MECOM: variants seen among roughly 807,000 people sequenced by gnomAD.
MECOM encodes the protein histone-lysine N-methyltransferase MECOM.
In MECOM, 13 loss-of-function variants were observed where a neutral mutation model predicts 116.3. The observed-to-expected ratio is 0.11, with a 90% confidence interval of 0.07 to 0.18. The LOEUF is 0.18. Among genes scored for constraint, MECOM ranks in the 10% least tolerant of loss-of-function variants. The probability of loss-of-function intolerance (pLI) is 1.00; values close to 1 mark genes in which losing one functional copy is unlikely to be tolerated. For synonymous variants in MECOM, 528 were observed against 535.2 expected (o/e 0.99, Z 0.19); for missense variants, 1,299 against 1,509.0 (o/e 0.86, Z 2.31).
intron 13 of MECOM, among the ~76,000 whole-genome samples, chr3:169,094,032 CAGTT>C (rs567381155): frequency 8.7e-4 from 132 of 152,228 alleles, no homozygotes; most frequent in Non-Finnish European, 1.2e-3. Flanking sequence ...AGGGTACACA[CAGTT>C]AGAGTGGCCA....
intron 1 of MECOM, among the ~76,000 whole-genome samples, chr3:169,537,185 C>T (rs980585562): frequency 6.6e-6 from 1 of 152,160 alleles, no homozygotes; most frequent in Non-Finnish European, 1.5e-5. Context: ...AGAATTATTT[C>T]CCCATGGGAC....
chr3:169,378,459 A>AGAGAG (rs1731588431), intron 2 of MECOM, among the ~76,000 whole-genome samples: 1 of 60,298 alleles, frequency 1.7e-5, no homozygotes, highest in Non-Finnish European at 3.0e-5. Flanking sequence ...GAAGGAAAGC[A>AGAGAG]AGCAAGCAAG....
chr3:169,274,655 T>C (rs1759371470), intron 2 of MECOM, among the ~76,000 whole-genome samples: 1 of 152,224 alleles, frequency 6.6e-6, no homozygotes, highest in Non-Finnish European at 1.5e-5. Context: ...TAAAATGATC[T>C]ATAAATGCAC....
chr3:169,428,589 T>C (rs1489648092), intron 1 of MECOM, among the ~76,000 whole-genome samples: 1 of 152,218 alleles, frequency 6.6e-6, no homozygotes, highest in African/African-American at 2.4e-5. Context: ...GTCTATGGTA[T>C]TTTGTTATGA....
chr3:169,211,366 A>C (rs1269381311), intron 2 of MECOM, among the ~76,000 whole-genome samples: 2 of 152,140 alleles, frequency 1.3e-5, no homozygotes, highest in Non-Finnish European at 2.9e-5. Context: ...ACCCTGCTAC[A>C]TATTCACCAT....
intron 1 of MECOM, among the ~76,000 whole-genome samples, chr3:169,458,120 T>C (rs1043530034): frequency 3.9e-5 from 6 of 152,230 alleles, no homozygotes; most frequent in African/African-American, 9.6e-5. Flanking sequence ...TAAATTGCCA[T>C]GTGCTAATGA....
In MECOM at chr3:169,305,463, G is replaced by C. The variant is rs552793255; in HGVS notation, c.375+75724C>G. Among the ~76,000 whole-genome samples the C allele has an allele frequency of 1.6e-4, 25 of 152,306 alleles. No homozygotes were observed. The South Asian group carries it at 2.3e-3, about 14-fold the overall frequency. ...GAAGCCCAAAGCACTTTAGAAATCAGACCAGATATCTAAGTTCCAAAGTAG... is the reference window on the plus strand; with the variant it reads ...GAAGCCCAAAGCACTTTAGAAATCACACCAGATATCTAAGTTCCAAAGTAG... On this transcript the variant is annotated intron_variant, in intron 2 of 16. Coordinates refer to ENST00000651503, the MANE Select transcript of MECOM (RefSeq NM_004991.4).
intron 4 of MECOM, among the ~76,000 whole-genome samples, chr3:169,129,826 C>T (rs1367276147): frequency 6.6e-6 from 1 of 152,072 alleles, no homozygotes; most frequent in Non-Finnish European, 1.5e-5. Context: ...TTTACTTAGC[C>T]TTAATTAGGT....
intron 2 of MECOM, among the ~76,000 whole-genome samples, chr3:169,303,137 G>T (rs775038173): frequency 6.6e-6 from 1 of 152,094 alleles, no homozygotes; most frequent in Non-Finnish European, 1.5e-5. Context: ...GAATTCTTTG[G>T]ATTTTCACTA....
chr3:169,661,988 CA>C (rs1776341447), intron 1 of MECOM, among the ~76,000 whole-genome samples: 1 of 152,222 alleles, frequency 6.6e-6, no homozygotes, highest in South Asian at 2.1e-4. Flanking sequence ...AGAGCGCTCC[CA>C]GCCGCTCCGG....
At chr3:169,128,296 G>A (rs191729575) in intron 4 of MECOM, among the ~76,000 whole-genome samples, 4 of 152,222 alleles carry the variant, frequency 2.6e-5, no homozygotes, top group Admixed American at 2.6e-4. Flanking sequence ...AAAACTTTTT[G>A]ACTAAACCTT....
intron 1 of MECOM, among the ~76,000 whole-genome samples, chr3:169,582,604 A>G (rs1232075930): frequency 6.6e-6 from 1 of 152,204 alleles, no homozygotes; most frequent in Non-Finnish European, 1.5e-5. Flanking sequence ...GGCTAATAGC[A>G]GCTCACAGCT....
intron 2 of MECOM, among the ~76,000 whole-genome samples, chr3:169,183,074 T>C (rs1559962456): frequency 1.3e-5 from 2 of 152,308 alleles, no homozygotes; most frequent in East Asian, 3.9e-4. Flanking sequence ...GATTATACTG[T>C]AGTACTTATA....
chr3:169,222,883 T>TA lies in MECOM; in HGVS notation c.376-79052dup, dbSNP rs1388966832. 1.1e-4 allele frequency among the ~76,000 whole-genome samples: 16 copies of TA among 152,304 alleles called. No homozygotes were observed. In the East Asian group the frequency reaches 3.1e-3, roughly 29 times the overall value. ...TTGTTGCAGACACTGCAAAATTGAA[T>TA]AAAAGGAAATTCCATTAATAATGAA... On this transcript the variant is annotated intron_variant, in intron 2 of 16. Transcript: ENST00000651503.
intron 2 of MECOM, among the ~76,000 whole-genome samples, chr3:169,280,425 G>A (rs998983006): frequency 3.3e-5 from 5 of 152,052 alleles, no homozygotes; most frequent in Non-Finnish European, 5.9e-5. Flanking sequence ...AAATATTTAT[G>A]TAAGGAACAT....
intron 1 of MECOM, among the ~76,000 whole-genome samples, chr3:169,576,925 A>C (rs1187811272): frequency 6.6e-6 from 1 of 152,132 alleles, no homozygotes; most frequent in African/African-American, 2.4e-5. Context: ...TAACCAATTT[A>C]GACATTGTGT....
intron 1 of MECOM, among the ~76,000 whole-genome samples, chr3:169,558,493 G>C (rs1762286753): frequency 6.6e-6 from 1 of 152,154 alleles, no homozygotes; most frequent in Admixed American, 6.5e-5. Context: ...TGCCAAAATA[G>C]ATGTGTGTGA....
chr3:169,566,034 G>A, intron 1 of MECOM: 1 of 419,102 alleles, frequency 2.4e-6, no homozygotes, highest in Non-Finnish European at 4.7e-6. Flanking sequence ...GGGGAAACAA[G>A]GACCTTCTTC....
At chr3:169,328,210 T>C (rs1285252973) in intron 2 of MECOM, among the ~76,000 whole-genome samples, 2 of 152,194 alleles carry the variant, frequency 1.3e-5, no homozygotes, top group Non-Finnish European at 2.9e-5. Context: ...TTGTCTCTTG[T>C]ATGTTCCCAG....
Sources: allele counts gnomAD v4.1 joint callset (sites outside exome capture counted in the v4.1 genomes callset), GRCh38; gene constraint gnomAD v4.1.1; transcripts MANE v1.5; gene names NCBI Gene and HGNC (gene_info 2026-07-23, HGNC 2026-07-21).